Variants in CFHR3 observed in about 807,000 individuals in gnomAD.
CFHR3 encodes the protein complement factor H-related protein 3.
A neutral mutation model predicts 36.0 loss-of-function variants in CFHR3; 22 were observed. The ratio of observed to expected loss-of-function variants is 0.61; its 90% CI spans 0.44 to 0.87. CFHR3 has a LOEUF of 0.87. CFHR3 is among the 40% of genes least tolerant of loss of function. The pLI is 0.00. For missense variants in CFHR3, 276 were observed against 401.3 expected, an observed-to-expected ratio of 0.69 and a Z score of 2.67; for synonymous variants, 97 against 137.4, an observed-to-expected ratio of 0.71 and a Z score of 2.06.
intron 4 of CFHR3, chr1:196,789,303 G>A (rs1457582566): frequency 1.2e-6 from 1 of 853,820 alleles, no homozygotes; most frequent in Non-Finnish European, 1.4e-6. Context: ...AGCTAAGAGA[G>A]AAAAAAGATA....
At chr1:196,785,972 G>A (rs1411211369) in intron 3 of CFHR3, among the ~76,000 whole-genome samples, 2 of 135,158 alleles carry the variant, frequency 1.5e-5, no homozygotes, top group African/African-American at 6.3e-5. Context: ...ATGTACAGAT[G>A]GGTTTTTGGT....
rs529833286 is a variant in CFHR3, at chr1:196,778,627, A to T, written c.59-535A>T. ...TGAATTCTAACTATGGTAAGAATGCATGCCATCGAATACAAACAAAATGCC... is the reference window on the plus strand; with the variant it reads ...TGAATTCTAACTATGGTAAGAATGCTTGCCATCGAATACAAACAAAATGCC... On this transcript the variant is annotated intron_variant, in intron 1 of 5. Transcript: ENST00000367425. 2.0e-4 allele frequency among the ~76,000 whole-genome samples: 27 copies of T among 136,598 alleles called. 6 individuals carry two copies. The highest frequency in any genetic ancestry group is 9.3e-4 in the Admixed American group (13 of 14,028). 89.6% of individuals were successfully genotyped at this position (136,598 alleles called of 152,430 possible).
At chr1:196,775,097 A>T (rs1653659289) in intron 1 of CFHR3, among the ~76,000 whole-genome samples, 153 bp downstream of exon 1, 1 of 137,446 alleles carries the variant, frequency 7.3e-6, no homozygotes, top group Non-Finnish European at 1.6e-5. Flanking sequence ...TATAACAGAA[A>T]TTAATTTTAT....
intron 3 of CFHR3, among the ~76,000 whole-genome samples, chr1:196,782,619 T>C (rs1192756554): frequency 7.3e-6 from 1 of 136,866 alleles, no homozygotes; most frequent in East Asian, 2.0e-4. Flanking sequence ...GTTATTGGTG[T>C]ATAAGAATGC....
At position 196,791,869 on chromosome 1, in the gene CFHR3, G is replaced by T. The variant is rs1417367066; in HGVS notation, c.797-1448G>T. Among the ~76,000 whole-genome samples, 4 of 136,406 alleles carry T rather than the reference G, an allele frequency of 2.9e-5. 1 individual carries two copies. The highest frequency in any genetic ancestry group is 1.2e-4 in the African/African-American group (4 of 32,500). 89.5% of individuals were successfully genotyped at this position (136,406 alleles called of 152,430 possible). ...TCCTAAGATGGGTTTCACAGCAAAA[G>T]CATTACCTCTTCTCACAATCAAGAA... On this transcript the variant is annotated intron_variant, in intron 5 of 5. Coordinates refer to ENST00000367425, the MANE Select transcript of CFHR3 (RefSeq NM_021023.6).
At chr1:196,778,072 C>T (rs1328797626) in intron 1 of CFHR3, among the ~76,000 whole-genome samples, 1 of 133,458 alleles carries the variant, frequency 7.5e-6, no homozygotes, top group African/African-American at 3.2e-5. Context: ...AAATAGCCTG[C>T]AATCATAAGA....
chr1:196,779,345 T>C lies in CFHR3; in HGVS notation c.242T>C (p.Val81Ala), dbSNP rs530470689. The change falls in exon 2 of 6, where the codon GTA (valine) becomes GCA (alanine). Residue 81 changes from valine (V) to alanine (A), a missense_variant. By Grantham distance (64) the Val-to-Ala change is moderately conservative (BLOSUM62 0). This residue lies in a region of CFHR3 where 178 missense variants were observed against 247.2 expected (regional missense o/e 0.72). Transcript: ENST00000367425. ...HCTQNGWSPA[V>A]PCLRKCYFPY... The stretch of plus-strand genomic sequence containing the variant: ...ACACAAAATGGGTGGTCACCAGCAG[T>C]ACCATGTCTCAGTAAGTAATCCTCT... 1 of 1,511,960 alleles carries C rather than the reference T, an allele frequency of 6.6e-7. No individual in the cohort carries two copies. The highest frequency in any genetic ancestry group is 1.2e-5 in the South Asian group (1 of 80,124). The allele number at this position is 1,511,960 out of a possible 1,614,324, so 93.7% of individuals were successfully genotyped here. A position where few individuals can be genotyped will look rare whatever the true frequency, so the allele number is the denominator to read the frequency against.
At position 196,790,882 on chromosome 1, in the gene CFHR3, A is replaced by T. The variant is rs927295065; in HGVS notation, c.796+655A>T. Among the ~76,000 whole-genome samples, 13 of 136,690 alleles carry T rather than the reference A, an allele frequency of 9.5e-5. 1 individual carries two copies. The highest frequency in any genetic ancestry group is 1.4e-4 in the Non-Finnish European group (9 of 64,424). The allele number at this position is 136,690 out of a possible 152,430, so 89.7% of individuals were successfully genotyped here. The stretch of plus-strand genomic sequence containing the variant: ...ATACAATGAGTCTTCAAGAATGACA[A>T]CCATTTATTGCGCACATATGAAATA... On this transcript the variant is annotated intron_variant, in intron 5 of 5. Transcript: ENST00000367425.
At chr1:196,788,565 G>C (rs1183814109) in intron 4 of CFHR3, among the ~76,000 whole-genome samples, 167 bp downstream of exon 4, 2 of 137,136 alleles carry the variant, frequency 1.5e-5, no homozygotes, top group Admixed American at 1.4e-4. Flanking sequence ...TGCATGTTTA[G>C]AGTAATGGCT....
In CFHR3 at chr1:196,776,255, CTCCAATGAACTCTTTGTAA is replaced by C. The variant is rs1283698852; in HGVS notation, c.58+1312_58+1330del. 5.9e-5 allele frequency among the ~76,000 whole-genome samples: 8 copies of C among 135,784 alleles called. 1 individual carries two copies. Among genetic ancestry groups the C allele is most frequent in the Non-Finnish European group, 1.2e-4 (8 of 64,062 alleles). The allele number at this position is 135,784 out of a possible 152,430, so 89.1% of individuals were successfully genotyped here. A position where few individuals can be genotyped will look rare whatever the true frequency, so the allele number is the denominator to read the frequency against. ...GATATTCCAGTGGAAAACTTGCCTCCTCCAATGAACTCTTTGTAAGAGTAAACTTGAGCAAAATGTCTTG... is the reference window on the plus strand; with the variant it reads ...GATATTCCAGTGGAAAACTTGCCTCCGAGTAAACTTGAGCAAAATGTCTTG... On this transcript the variant is annotated intron_variant, in intron 1 of 5. Transcript: ENST00000367425.
intron 3 of CFHR3, among the ~76,000 whole-genome samples, chr1:196,786,262 A>C (rs12406826): frequency 0.3 from 41,025 of 134,780 alleles, 12,246 homozygotes; most frequent in African/African-American, 0.53. Flanking sequence ...GTCAGCGACC[A>C]ACTTGAGGAG....
chr1:196,780,331 G>A (rs2124843756), intron 3 of CFHR3, among the ~76,000 whole-genome samples: 1 of 137,104 alleles, frequency 7.3e-6, no homozygotes, highest in South Asian at 2.5e-4. Flanking sequence ...CTGGGATCTT[G>A]TACATATTCT....
Position 196,783,107 on chromosome 1 carries a change from A to G in CFHR3, c.430+3134A>G, listed in dbSNP as rs969279385. 3.1e-4 allele frequency among the ~76,000 whole-genome samples: 43 copies of G among 136,904 alleles called. 10 individuals are homozygous for G. The highest frequency in any genetic ancestry group is 1.3e-3 in the African/African-American group (43 of 32,780). 89.8% of individuals were successfully genotyped at this position (136,904 alleles called of 152,430 possible). On this transcript the variant is annotated intron_variant, in intron 3 of 5. Transcript: ENST00000367425. The stretch of plus-strand genomic sequence containing the variant: ...TCTGTCTATATGCTGGATTACATTT[A>G]TTGATTTGCGTATATTGAACTAGCC...
chr1:196,785,831 T>C (rs1178672276), intron 3 of CFHR3, among the ~76,000 whole-genome samples: 1 of 137,678 alleles, frequency 7.3e-6, no homozygotes, highest in Non-Finnish European at 1.5e-5. Context: ...TCCAGCTTTG[T>C]TCCGTTGCTG....
At chr1:196,775,735 G>A (rs1653691303) in intron 1 of CFHR3, among the ~76,000 whole-genome samples, 1 of 136,740 alleles carries the variant, frequency 7.3e-6, no homozygotes, top group Non-Finnish European at 1.6e-5. Context: ...AACCACATGG[G>A]TCAAAAATCA....
In CFHR3 at chr1:196,775,302, G is replaced by C. The variant is rs1653666606; in HGVS notation, c.58+358G>C. On this transcript the variant is annotated intron_variant, in intron 1 of 5. Coordinates refer to ENST00000367425, the MANE Select transcript of CFHR3 (RefSeq NM_021023.6). ...AGAATTTTCCTATACGTAATACAAG[G>C]GGAACATTGGGAGTGACTGATGTTT... 1.5e-5 allele frequency among the ~76,000 whole-genome samples: 2 copies of C among 136,128 alleles called. 1 individual carries two copies. Among genetic ancestry groups the C allele is most frequent in the African/African-American group, 6.1e-5 (2 of 32,692 alleles). The allele number at this position is 136,128 out of a possible 152,430, so 89.3% of individuals were successfully genotyped here.
At position 196,775,292 on chromosome 1, in the gene CFHR3, G is replaced by A. The variant is rs1049262546; in HGVS notation, c.58+348G>A. 1.0e-4 allele frequency among the ~76,000 whole-genome samples: 14 copies of A among 136,556 alleles called. 4 individuals carry two copies. The South Asian group carries it at 1.3e-3, about 12-fold the overall frequency. 89.6% of individuals were successfully genotyped at this position (136,556 alleles called of 152,430 possible). On this transcript the variant is annotated intron_variant, in intron 1 of 5. Coordinates refer to ENST00000367425, the MANE Select transcript of CFHR3 (RefSeq NM_021023.6). ...TAAAATGTTCAGAATTTTCCTATAC[G>A]TAATACAAGGGGAACATTGGGAGTG...
rs1436527682 is a variant in CFHR3, at chr1:196,788,064, C to T, written c.431-152C>T. The T allele has an allele frequency of 1.0e-5, 6 of 572,884 alleles. 1 individual carries two copies. The highest frequency in any genetic ancestry group is 5.1e-5 in the African/African-American group (2 of 39,234). The allele number at this position is 572,884 out of a possible 1,614,324, so 35.5% of individuals were successfully genotyped here. On this transcript the variant is annotated intron_variant, in intron 3 of 5. Coordinates refer to ENST00000367425, the MANE Select transcript of CFHR3 (RefSeq NM_021023.6). Reference sequence around the variant, plus strand: ...AGAAATTCGTGGTTTCCTTTAAGAACACGGATGTCTAGGAAACTTCCAGTT... The same window carrying T: ...AGAAATTCGTGGTTTCCTTTAAGAATACGGATGTCTAGGAAACTTCCAGTT...
chr1:196,790,641 T>C (rs1186329676), intron 5 of CFHR3, among the ~76,000 whole-genome samples: 1 of 135,102 alleles, frequency 7.4e-6, no homozygotes, highest in East Asian at 2.0e-4. Context: ...GGAGAATCAT[T>C]TGAACCCGGG....
Sources: gnomAD v4.1 joint callset for allele counts (sites outside exome capture counted in the v4.1 genomes callset) on GRCh38, gnomAD v4.1.1 for gene constraint, gnomAD v4.1.1 regional missense constraint, MANE v1.5 for transcripts, NCBI Gene and HGNC (gene_info 2026-07-23, HGNC 2026-07-21) for gene names.